Variants in RBFOX1 observed in about 807,000 individuals in gnomAD.
RBFOX1 encodes RNA binding fox-1 homolog 1.
A neutral mutation model predicts 57.7 loss-of-function variants in RBFOX1; 8 were observed. The ratio of observed to expected loss-of-function variants is 0.14; its 90% CI spans 0.08 to 0.25. RBFOX1 has a LOEUF of 0.25. RBFOX1 is among the 10% of genes least tolerant of loss of function. The pLI, the probability that RBFOX1 is intolerant of heterozygous loss-of-function variation, is 1.00. For synonymous variants in RBFOX1, 326 were observed against 222.4 expected, an observed-to-expected ratio of 1.47 and a Z score of -4.15; for missense variants, 611 against 548.5, an observed-to-expected ratio of 1.11 and a Z score of -1.14.
chr16:5,736,821 T>A (rs2052593271), intron 3 of RBFOX1, among the ~76,000 whole-genome samples: 4 of 151,620 alleles, frequency 2.6e-5, no homozygotes, highest in Admixed American at 2.6e-4. Flanking sequence ...TTTTCATTCT[T>A]TTTTCCCTCT....
chr16:6,605,127 T>C (rs1040083962), intron 2 of RBFOX1, among the ~76,000 whole-genome samples: 2 of 152,164 alleles, frequency 1.3e-5, no homozygotes, highest in African/African-American at 4.8e-5. Flanking sequence ...TAGTCTCAGC[T>C]ACTCGGGAAG....
intron 4 of RBFOX1, among the ~76,000 whole-genome samples, chr16:7,336,627 G>C (rs779726826): frequency 1.3e-5 from 2 of 152,190 alleles, no homozygotes; most frequent in Non-Finnish European, 2.9e-5. Context: ...CTATAATGAA[G>C]TCAGAGGGAG....
intron 1 of RBFOX1, among the ~76,000 whole-genome samples, chr16:6,078,773 T>C (rs2095951586): frequency 6.6e-6 from 1 of 152,238 alleles, no homozygotes; most frequent in Admixed American, 6.5e-5. Context: ...ATTGCTTTTG[T>C]CATCCTTTCC....
At chr16:7,335,003 C>A (rs2096760150) in intron 4 of RBFOX1, among the ~76,000 whole-genome samples, 1 of 152,182 alleles carries the variant, frequency 6.6e-6, no homozygotes, top group African/African-American at 2.4e-5. Context: ...CTGTGGAATG[C>A]ACTGGAAAGC....
intron 3 of RBFOX1, among the ~76,000 whole-genome samples, chr16:6,829,763 A>C (rs2092563033): frequency 6.6e-6 from 1 of 151,972 alleles, no homozygotes. Flanking sequence ...CACAACACCC[A>C]GCTAATTTTT....
At chr16:6,962,130 T>TGA (rs1302555201) in intron 3 of RBFOX1, among the ~76,000 whole-genome samples, 1 of 152,200 alleles carries the variant, frequency 6.6e-6, no homozygotes, top group Non-Finnish European at 1.5e-5. Context: ...ATATTTCCTC[T>TGA]GAAGTCTTGA....
At chr16:7,188,406 G>C (rs185530490) in intron 4 of RBFOX1, among the ~76,000 whole-genome samples, 400 of 152,296 alleles carry the variant, frequency 2.6e-3, no homozygotes, top group Non-Finnish European at 4.5e-3. Flanking sequence ...GTTAAAATTT[G>C]CATTGCAGTT....
At chr16:6,478,427 ATATTTTTTTT>A (rs1370553063) in intron 2 of RBFOX1, among the ~76,000 whole-genome samples, 17 of 12,712 alleles carry the variant, frequency 1.3e-3, no homozygotes, top group African/African-American at 4.8e-3. Context: ...ATATATATAT[ATATTTTTTTT>A]TTTTTTTTTT....
intron 4 of RBFOX1, among the ~76,000 whole-genome samples, chr16:7,321,898 A>G (rs1288189545): frequency 6.6e-6 from 1 of 152,076 alleles, no homozygotes; most frequent in Non-Finnish European, 1.5e-5. Flanking sequence ...TCGCAGAGAG[A>G]CCATCTTGCA....
intron 3 of RBFOX1, among the ~76,000 whole-genome samples, chr16:5,781,688 T>C (rs1211647737): frequency 6.6e-6 from 1 of 152,230 alleles, no homozygotes; most frequent in East Asian, 1.9e-4. Context: ...CAAGAACTGG[T>C]GGCAGGCTAG....
intron 1 of RBFOX1, among the ~76,000 whole-genome samples, chr16:5,329,995 AAAAAAAAAG>A (rs1332032571): frequency 5.3e-5 from 3 of 56,930 alleles, no homozygotes; most frequent in African/African-American, 1.2e-4. Flanking sequence ...AAAAAAAAAA[AAAAAAAAAG>A]ACCGATGCGG....
chr16:7,653,773 G>T (rs1008755292), intron 11 of RBFOX1, 42 bp from the exon 12 acceptor site: 16 of 1,587,224 alleles, frequency 1.0e-5, no homozygotes, highest in South Asian at 2.2e-5. Context: ...GTGTGCATCT[G>T]ACAGCCTGTG....
At chr16:6,160,061 A>T (rs1460529982) in intron 1 of RBFOX1, among the ~76,000 whole-genome samples, 1 of 152,288 alleles carries the variant, frequency 6.6e-6, no homozygotes, top group African/African-American at 2.4e-5. Flanking sequence ...CTTATGCCTT[A>T]TTGAGGCATT....
chr16:7,476,493 G>A (rs1356630127), intron 4 of RBFOX1, among the ~76,000 whole-genome samples: 2 of 152,198 alleles, frequency 1.3e-5, no homozygotes, highest in Non-Finnish European at 2.9e-5. Context: ...TTATTAGATG[G>A]TATAACTTGC....
chr16:6,706,632 G>A (rs532269577), intron 3 of RBFOX1, among the ~76,000 whole-genome samples: 1 of 152,068 alleles, frequency 6.6e-6, no homozygotes, highest in South Asian at 2.1e-4. Context: ...GCCAACACTG[G>A]CCTTTCTGAA....
chr16:7,709,639 T>G (rs540979006), intron 15 of RBFOX1: 2 of 1,528,628 alleles, frequency 1.3e-6, no homozygotes, highest in Non-Finnish European at 1.8e-6. Flanking sequence ...GGAAAGAAAA[T>G]AGAGAGGGGC....
intron 3 of RBFOX1, among the ~76,000 whole-genome samples, chr16:6,997,429 G>A (rs746900490): frequency 3.3e-5 from 5 of 152,158 alleles, no homozygotes; most frequent in Non-Finnish European, 7.4e-5. Context: ...CTTGATCAGA[G>A]TTCATTTATA....
chr16:7,148,701 T>G (rs556451548), intron 4 of RBFOX1, among the ~76,000 whole-genome samples: 14 of 152,306 alleles, frequency 9.2e-5, no homozygotes, highest in African/African-American at 3.1e-4. Context: ...AGTTTTAACA[T>G]GGTTGAATGA....
chr16:5,599,101 A>G (rs1271910533), exon 3 of RBFOX1: 2 of 850,690 alleles, frequency 2.4e-6, no homozygotes, highest in Non-Finnish European at 3.8e-6. Flanking sequence ...ACTGGGTTTG[A>G]GGGGAATAAA....
Sources: allele counts gnomAD v4.1 joint callset (sites outside exome capture counted in the v4.1 genomes callset), GRCh38; gene constraint gnomAD v4.1.1; transcripts MANE v1.5; gene names NCBI Gene and HGNC (gene_info 2026-07-23, HGNC 2026-07-21).